The following FAAH2 variants were observed in gnomAD, a reference collection of about 807,000 sequenced individuals.
FAAH2 encodes fatty-acid amide hydrolase 2.
A neutral mutation model predicts 36.9 loss-of-function variants in FAAH2; 60 were observed. The ratio of observed to expected loss-of-function variants is 1.63; its 90% CI spans 1.32 to 2.02. The LOEUF (loss-of-function observed/expected upper bound fraction) is 2.02, where lower values mean the gene tolerates loss of function less well. Among genes scored for constraint, FAAH2 ranks in the 30% most tolerant of loss-of-function variants. The probability of loss-of-function intolerance (pLI) is 0.00; values close to 1 mark genes in which losing one functional copy is unlikely to be tolerated. For missense variants in FAAH2, 689 were observed against 397.5 expected (o/e 1.73, Z -6.23); for synonymous variants, 214 against 143.8 (o/e 1.49, Z -3.49).
chrX:57,394,424 A>G (rs755152780), intron 7 of FAAH2: 110 of 1,194,200 alleles, frequency 9.2e-5, no homozygotes, highest in Non-Finnish European at 1.2e-4. Context: ...CTCTTCAGAC[A>G]GCAGACCAAT....
chrX:57,249,249 A>G, the FAAH2 span, among the ~76,000 whole-genome samples: 1 of 111,684 alleles, frequency 9.0e-6, no homozygotes, highest in African/African-American at 3.3e-5. Context: ...ACCCTTTACT[A>G]TAGTTCTGAT....
intron 8 of FAAH2, among the ~76,000 whole-genome samples, chrX:57,439,360 G>C (rs1346447593): frequency 1.8e-5 from 2 of 111,861 alleles, no homozygotes; most frequent in East Asian, 5.6e-4. Context: ...CAGTGATGAT[G>C]AGCATTTTTT....
chrX:57,275,362 T>C, the FAAH2 span, among the ~76,000 whole-genome samples: 1 of 112,460 alleles, frequency 8.9e-6, no homozygotes, highest in East Asian at 2.8e-4. Context: ...GAGCCAAGGC[T>C]AAGACTTGCT....
chrX:57,196,938 G>T, the FAAH2 span, among the ~76,000 whole-genome samples: 1 of 111,707 alleles, frequency 9.0e-6, no homozygotes, highest in South Asian at 3.7e-4. Flanking sequence ...CAAGGTCAGG[G>T]ATGTTTTCCT....
the FAAH2 span, among the ~76,000 whole-genome samples, chrX:57,203,045 C>T: frequency 8.0e-5 from 9 of 111,893 alleles, no homozygotes; most frequent in African/African-American, 2.3e-4. Context: ...TGGTGGAGAC[C>T]ATAACCCAGT....
the FAAH2 span, among the ~76,000 whole-genome samples, chrX:57,162,323 C>T: frequency 9.0e-6 from 1 of 111,366 alleles, no homozygotes; most frequent in East Asian, 2.8e-4. Flanking sequence ...TTTGGTGAAT[C>T]TGACAATTAT....
At chrX:57,307,022 T>A (rs1464071537) in intron 2 of FAAH2, among the ~76,000 whole-genome samples, 3 of 77,457 alleles carry the variant, frequency 3.9e-5, no homozygotes, top group East Asian at 4.2e-4. Context: ...TATATAGCCT[T>A]TGTCCTCTGA....
the FAAH2 span, among the ~76,000 whole-genome samples, chrX:57,240,132 T>C: frequency 8.9e-6 from 1 of 112,055 alleles, no homozygotes; most frequent in African/African-American, 3.2e-5. Flanking sequence ...GTTCTTGCAC[T>C]GGTTGTTTTG....
intron 7 of FAAH2, among the ~76,000 whole-genome samples, chrX:57,421,278 T>C (rs1455905092): frequency 9.0e-6 from 1 of 111,688 alleles, no homozygotes; most frequent in Non-Finnish European, 1.9e-5. Context: ...ACCCCGTCTC[T>C]TCTAAAAATA....
At chrX:57,398,872 G>A (rs765028231) in intron 7 of FAAH2, among the ~76,000 whole-genome samples, 2 of 111,570 alleles carry the variant, frequency 1.8e-5, no homozygotes, top group South Asian at 7.5e-4. Context: ...AATCCAGCTA[G>A]TCCTGTCTCT....
the FAAH2 span, among the ~76,000 whole-genome samples, chrX:57,133,917 A>T: frequency 3.6e-5 from 4 of 111,227 alleles, no homozygotes; most frequent in African/African-American, 1.3e-4. Flanking sequence ...AACTCTATTT[A>T]CCACCTTCTT....
chrX:57,260,172 T>G, the FAAH2 span, among the ~76,000 whole-genome samples: 1 of 111,788 alleles, frequency 8.9e-6, no homozygotes, highest in Non-Finnish European at 1.9e-5. Context: ...TATTACCTTA[T>G]GTCAAGACCT....
chrX:57,251,834 C>T, the FAAH2 span, among the ~76,000 whole-genome samples: 1 of 111,743 alleles, frequency 8.9e-6, no homozygotes, highest in East Asian at 2.8e-4. Flanking sequence ...GTTCATCTCA[C>T]TAGGAATGGT....
the FAAH2 span, among the ~76,000 whole-genome samples, chrX:57,275,522 G>T: frequency 1.2e-4 from 14 of 112,271 alleles, no homozygotes; most frequent in African/African-American, 4.2e-4. Context: ...TCAATTAACA[G>T]TTAAAATAAC....
At chrX:57,393,866 G>A in intron 7 of FAAH2, 1 of 1,019,577 alleles carries the variant, frequency 9.8e-7, no homozygotes, top group Admixed American at 2.2e-5. Flanking sequence ...CCAAGCTATG[G>A]TTTCTGGATC....
intron 10 of FAAH2, chrX:57,452,457 T>C (rs866440872): frequency 3.3e-6 from 1 of 298,691 alleles, no homozygotes; most frequent in Middle Eastern, 2.1e-3. Flanking sequence ...ACCTCCCCAA[T>C]TGATAAGCTA....
At chrX:57,315,123 A>C (rs1051090466) in intron 3 of FAAH2, among the ~76,000 whole-genome samples, 1 of 111,513 alleles carries the variant, frequency 9.0e-6, no homozygotes, top group Non-Finnish European at 1.9e-5. Flanking sequence ...AGATTGTCAC[A>C]ATCAATTCAA....
chrX:57,388,524 G>A (rs1307787642), intron 7 of FAAH2, among the ~76,000 whole-genome samples: 1 of 111,276 alleles, frequency 9.0e-6, no homozygotes, highest in Non-Finnish European at 1.9e-5. Context: ...AAAAGATTGA[G>A]CAGATAGTAC....
At position 57,328,077 on chromosome X, in the gene FAAH2, G is replaced by T. The variant is rs762942053; in HGVS notation, c.413-3521G>T. Among the ~76,000 whole-genome samples the T allele has an allele frequency of 4.2e-3, 474 of 112,304 alleles. 1 individual carries two copies. Among genetic ancestry groups the T allele is most frequent in the African/African-American group, 0.015 (464 of 30,922 alleles). On this transcript the variant is annotated intron_variant, in intron 3 of 10. Coordinates refer to ENST00000374900, the MANE Select transcript of FAAH2 (RefSeq NM_174912.4). ...CTAACGGTCAGGACCTTCAGCTGCA[G>T]GTCTGTTGGAGTTTGCTGGAGGTCC...
Sources: gnomAD v4.1 joint callset for allele counts (sites outside exome capture counted in the v4.1 genomes callset) on GRCh38, gnomAD v4.1.1 for gene constraint, MANE v1.5 for transcripts, NCBI Gene and HGNC (gene_info 2026-07-23, HGNC 2026-07-21) for gene names.